Variants in CSNK1G2 observed in about 807,000 individuals in gnomAD.
CSNK1G2 encodes casein kinase I isoform gamma-2.
Under a neutral mutation model 48.0 loss-of-function variants are expected in CSNK1G2, and 11 were observed. That is an observed-to-expected ratio of 0.23 (90% CI 0.14 to 0.38). The LOEUF is 0.38. Among genes scored for constraint, CSNK1G2 ranks in the 10% least tolerant of loss-of-function variants. The pLI is 1.00. For synonymous variants in CSNK1G2, 337 were observed against 254.1 expected (o/e 1.33, Z -3.10); for missense variants, 446 against 595.5 (o/e 0.75, Z 2.61).
chr19:1,945,190 T>A lies in CSNK1G2; in HGVS notation c.-266+3772T>A, dbSNP rs369014661. Among the ~76,000 whole-genome samples, 15 of 152,292 alleles carry A rather than the reference T, an allele frequency of 9.8e-5. No homozygotes were observed. In the South Asian group the frequency reaches 2.5e-3, roughly 25 times the overall value. Reference sequence around the variant, plus strand: ...TGCACCAGCCTGTGCGCCCGCAAGGTTGCCAGGGCCCCTCTGCAGGTGCAG... The same window carrying A: ...TGCACCAGCCTGTGCGCCCGCAAGGATGCCAGGGCCCCTCTGCAGGTGCAG... On this transcript the variant is annotated intron_variant, in intron 1 of 11. Coordinates refer to ENST00000255641, the MANE Select transcript of CSNK1G2 (RefSeq NM_001319.7).
rs1183843005 is a variant in CSNK1G2, at chr19:1,941,184, C to T, written c.-500C>T. On this transcript the variant is annotated 5_prime_UTR_variant, in exon 1 of 12. Coordinates refer to ENST00000255641, the MANE Select transcript of CSNK1G2 (RefSeq NM_001319.7). ...GCCCCCCGCTGGCAGACGCTGGCGGCGTAAGGCGCGCGGGCCCCGGAGCGG... is the reference window on the plus strand; with the variant it reads ...GCCCCCCGCTGGCAGACGCTGGCGGTGTAAGGCGCGCGGGCCCCGGAGCGG... The T allele has an allele frequency of 6.8e-6, 1 of 146,460 alleles. No homozygotes were observed. The highest frequency in any genetic ancestry group is 2.0e-4 in the East Asian group (1 of 5,118). The allele number at this position is 146,460 out of a possible 1,614,324, so 9.1% of individuals were successfully genotyped here.
chr19:1,964,701 C>T (rs1426353222), intron 1 of CSNK1G2, among the ~76,000 whole-genome samples: 2 of 151,398 alleles, frequency 1.3e-5, no homozygotes, highest in African/African-American at 2.4e-5. Context: ...ACTTTTGAGA[C>T]CTATTGTTCA....
At chr19:1,959,755 G>C (rs75740929) in intron 1 of CSNK1G2, among the ~76,000 whole-genome samples, 3,092 of 46,416 alleles carry the variant, frequency 0.067, 224 homozygotes, top group African/African-American at 0.092. Context: ...TAGTGCCACC[G>C]TGGGTCCCCC....
Position 1,979,551 on chromosome 19 carries a change from G to A in CSNK1G2, c.910G>A (p.Asp304Asn), listed in dbSNP as rs2015900139. 1 of 1,609,028 alleles carries A rather than the reference G, an allele frequency of 6.2e-7. No homozygotes were observed. Among genetic ancestry groups the A allele is most frequent in the Non-Finnish European group, 8.5e-7 (1 of 1,179,814 alleles). The part of the protein sequence containing the change: ...VRRLDFFEKP[D>N]YDYLRKLFTD... ...GCGCCTGGACTTCTTCGAGAAGCCC[G>A]ACTATGACTACCTGCGGAAGCTCTT... is the stretch of plus-strand genomic sequence containing the variant. The change falls in exon 9 of 12, where the codon GAC (aspartate) becomes AAC (asparagine). Residue 304 changes from aspartate (D) to asparagine (N), a missense_variant. Physicochemically the swap from Asp to Asn is conservative, Grantham distance 23. Transcript: ENST00000255641.
rs893310989 is a variant in CSNK1G2, at chr19:1,950,638, A to G, written c.-266+9220A>G. On this transcript the variant is annotated intron_variant, in intron 1 of 11. Transcript: ENST00000255641. ...TTAGAAACAGCCAAGGCCTCCTTCC[A>G]TGTTGGGACGGACGGGCCTTCCTGG... Among the ~76,000 whole-genome samples the G allele has an allele frequency of 2.1e-5, 3 of 145,716 alleles. 1 individual carries two copies. Among genetic ancestry groups the G allele is most frequent in the African/African-American group, 7.9e-5 (3 of 37,906 alleles).
intron 1 of CSNK1G2, among the ~76,000 whole-genome samples, chr19:1,942,823 G>T (rs377035737): frequency 2.0e-4 from 31 of 152,248 alleles, no homozygotes; most frequent in African/African-American, 7.0e-4. Flanking sequence ...GGAAGTTCGC[G>T]GTTGTCACTG....
chr19:1,964,301 AAC>A (rs1483568775), intron 1 of CSNK1G2, among the ~76,000 whole-genome samples: 60 of 148,360 alleles, frequency 4.0e-4, no homozygotes, highest in East Asian at 6.0e-4. Flanking sequence ...TTAAAAAAAA[AAC>A]AAAAAAAAAC....
In CSNK1G2 at chr19:1,968,219, A is replaced by T. The variant is rs1167205591; in HGVS notation, c.-265-1289A>T. Among the ~76,000 whole-genome samples the T allele has an allele frequency of 4.5e-4, 7 of 15,458 alleles. No homozygotes were observed. The East Asian group carries it at 0.02, about 44-fold the overall frequency. The allele number at this position is 15,458 out of a possible 152,430, so 10.1% of individuals were successfully genotyped here. On this transcript the variant is annotated intron_variant, in intron 1 of 11. Coordinates refer to ENST00000255641, the MANE Select transcript of CSNK1G2 (RefSeq NM_001319.7). ...TCCTCCCTCCTCCCCAGGCTGCCCC[A>T]GACCACCCTTCAGTTCTGCAGGTGG...
chr19:1,953,581 T>G (rs1599291599), intron 1 of CSNK1G2: 2 of 476,614 alleles, frequency 4.2e-6, no homozygotes, highest in Non-Finnish European at 8.7e-6. Context: ...GCCGGTGGTG[T>G]TTGCCTTATG....
chr19:1,957,338 G>A lies in CSNK1G2; in HGVS notation c.-265-12170G>A, dbSNP rs1264469544. Among the ~76,000 whole-genome samples the A allele has an allele frequency of 1.3e-5, 2 of 152,222 alleles. No homozygotes were observed. Among genetic ancestry groups the A allele is most frequent in the Non-Finnish European group, 1.5e-5 (1 of 68,040 alleles). ...GCAGTGTGTGCCCGGGAGGTCACGTGGGCACCACAGACGAAAGTGGAGCCG... is the reference window on the plus strand; with the variant it reads ...GCAGTGTGTGCCCGGGAGGTCACGTAGGCACCACAGACGAAAGTGGAGCCG... On this transcript the variant is annotated intron_variant, in intron 1 of 11. Transcript: ENST00000255641. The surrounding 1 kb of genome is among the most constrained non-coding windows in gnomAD (Gnocchi z 5.4).
chr19:1,979,431 T>TGGGGC, intron 8 of CSNK1G2, 28 bp downstream of exon 8: 2 of 938,044 alleles, frequency 2.1e-6, no homozygotes, highest in Non-Finnish European at 3.1e-6. Context: ...CCCCGCCCTG[T>TGGGGC]GCCCCCCACC....
intron 1 of CSNK1G2, among the ~76,000 whole-genome samples, chr19:1,955,087 A>G (rs2014936306): frequency 6.6e-6 from 1 of 152,168 alleles, no homozygotes; most frequent in Admixed American, 6.5e-5. Context: ...GGAGAGCCCC[A>G]GAAGAGGCCG....
chr19:1,972,522 G>C (rs2015607283), intron 2 of CSNK1G2, among the ~76,000 whole-genome samples: 1 of 152,214 alleles, frequency 6.6e-6, no homozygotes, highest in East Asian at 1.9e-4. Flanking sequence ...GGGATCCACT[G>C]ACTTCTTGGA....
At chr19:1,943,502 C>A (rs1051041584) in intron 1 of CSNK1G2, among the ~76,000 whole-genome samples, 1 of 152,108 alleles carries the variant, frequency 6.6e-6, no homozygotes. Context: ...AGGAAGTAGG[C>A]GAGGGTTTTT....
intron 1 of CSNK1G2, among the ~76,000 whole-genome samples, chr19:1,941,629 C>G (rs1225745559): frequency 6.7e-6 from 1 of 149,688 alleles, no homozygotes; most frequent in Non-Finnish European, 1.5e-5. Flanking sequence ...GCCGCAACAC[C>G]CCGTTGACCC....
At chr19:1,968,315 C>T (rs1338755714) in intron 1 of CSNK1G2, among the ~76,000 whole-genome samples, 4 of 149,806 alleles carry the variant, frequency 2.7e-5, no homozygotes, top group South Asian at 2.1e-4. Context: ...CTCCCTCCTC[C>T]CCAGGCTGCC....
At position 1,979,381 on chromosome 19, in the gene CSNK1G2, G is replaced by A; in HGVS notation, c.831G>A (p.Glu277=). The stretch of plus-strand genomic sequence containing the variant: ...ACACCAAACGCGCCACGCCCATCGA[G>A]GTGCTCTGCGAGAACTTCCCAGGTA... ...IGDTKRATPI[E]VLCENFPEEM... Residue 277 remains glutamate, a synonymous_variant, in exon 8 of 12, where the codon GAG becomes GAA. Transcript: ENST00000255641. 6.3e-7 allele frequency: 1 copy of A among 1,598,666 alleles called. No individual in the cohort carries two copies. The highest frequency in any genetic ancestry group is 8.5e-7 in the Non-Finnish European group (1 of 1,174,272).
Position 1,969,872 on chromosome 19 carries a change from G to A in CSNK1G2, c.100G>A (p.Gly34Arg). ...GAGCAGCCACGGCATCCGGAGCTCG[G>A]GGACCAGCTCGGGGGTCCTGATGGT... is the stretch of plus-strand genomic sequence containing the variant. Reference protein sequence around the residue: ...GRSSHGIRSSGTSSGVLMVGP... With the variant: ...GRSSHGIRSSRTSSGVLMVGP... The change falls in exon 2 of 12, where the codon GGG (glycine) becomes AGG (arginine). Residue 34 changes from glycine to arginine, a missense_variant. Gly to Arg is a moderately radical substitution (Grantham distance 125). This residue lies in a region of CSNK1G2 where 258 missense variants were observed against 415.9 expected (regional missense o/e 0.62). Transcript: ENST00000255641. The A allele has an allele frequency of 7.6e-7, 1 of 1,312,112 alleles. No individual in the cohort carries two copies. The highest frequency in any genetic ancestry group is 9.8e-7 in the Non-Finnish European group (1 of 1,021,704). 81.3% of individuals were successfully genotyped at this position (1,312,112 alleles called of 1,614,324 possible). A position where few individuals can be genotyped will look rare whatever the true frequency, so the allele number is the denominator to read the frequency against.
At chr19:1,960,458 C>T (rs1459402034) in intron 1 of CSNK1G2, among the ~76,000 whole-genome samples, 3 of 152,220 alleles carry the variant, frequency 2.0e-5, no homozygotes, top group African/African-American at 4.8e-5. Context: ...TGGGCAGTGT[C>T]CCCTCGGGAT....
Sources: allele counts gnomAD v4.1 joint callset (sites outside exome capture counted in the v4.1 genomes callset), GRCh38; gene constraint gnomAD v4.1.1; regional missense constraint gnomAD v4.1.1; non-coding constraint Gnocchi (gnomAD v3.1); transcripts MANE v1.5; gene names NCBI Gene and HGNC (gene_info 2026-07-23, HGNC 2026-07-21).